BMERB1: variants seen among roughly 807,000 people sequenced by gnomAD.
The protein encoded by BMERB1 is bMERB domain containing 1.
BMERB1 carries 12 observed loss-of-function variants against 23.6 expected under a neutral mutation model. That is an observed-to-expected ratio of 0.51 (90% CI 0.33 to 0.82). The LOEUF is 0.82. BMERB1 is among the 40% of genes least tolerant of loss of function. The pLI is 0.03. For missense variants in BMERB1, 247 were observed against 255.4 expected (o/e 0.97, Z 0.22); for synonymous variants, 122 against 96.6 (o/e 1.26, Z -1.54).
At chr16:15,533,695 G>C (rs775796405) in intron 2 of BMERB1, among the ~76,000 whole-genome samples, 27 of 152,176 alleles carry the variant, frequency 1.8e-4, no homozygotes, top group African/African-American at 6.3e-4. Flanking sequence ...CTATGCATAA[G>C]CAGAGAAAGC....
chr16:15,537,505 C>T (rs2052036557), intron 2 of BMERB1, among the ~76,000 whole-genome samples: 2 of 151,982 alleles, frequency 1.3e-5, no homozygotes, highest in Admixed American at 6.6e-5. Flanking sequence ...AGGTGCCCGC[C>T]ACCATGCCTG....
At chr16:15,541,553 A>G (rs1460471791) in intron 2 of BMERB1, among the ~76,000 whole-genome samples, 2 of 145,010 alleles carry the variant, frequency 1.4e-5, no homozygotes, top group Non-Finnish European at 3.0e-5. Context: ...CCTCACAAGT[A>G]GCTGAGACTA....
chr16:15,484,547 A>T (rs908323899), intron 1 of BMERB1, among the ~76,000 whole-genome samples: 5 of 151,972 alleles, frequency 3.3e-5, no homozygotes, highest in African/African-American at 1.2e-4. Flanking sequence ...GACTACAGGC[A>T]CACACCGCCA....
chr16:15,579,661 CTTT>C (rs965858591), intron 3 of BMERB1, among the ~76,000 whole-genome samples: 7 of 149,210 alleles, frequency 4.7e-5, no homozygotes, highest in Non-Finnish European at 4.4e-5. Context: ...AGCCCTCTCT[CTTT>C]TTTTTATTTT....
At chr16:15,476,372 AG>A (rs2051275120) in intron 1 of BMERB1, among the ~76,000 whole-genome samples, 1 of 152,170 alleles carries the variant, frequency 6.6e-6, no homozygotes, top group Non-Finnish European at 1.5e-5. Flanking sequence ...CATGTTGGCC[AG>A]GCTGGTCTCG....
intron 1 of BMERB1, among the ~76,000 whole-genome samples, chr16:15,498,555 A>C (rs2051496881): frequency 6.6e-6 from 1 of 151,782 alleles, no homozygotes; most frequent in Non-Finnish European, 1.5e-5. Context: ...GAAAGGAAAA[A>C]AGAAAGGAAA....
intron 2 of BMERB1, among the ~76,000 whole-genome samples, chr16:15,565,255 C>T (rs985393449): frequency 1.3e-5 from 2 of 152,100 alleles, no homozygotes; most frequent in Admixed American, 6.6e-5. Flanking sequence ...GGTCCTGCCC[C>T]CATGAGCTGT....
chr16:15,505,725 A>G (rs2051581917), intron 1 of BMERB1, among the ~76,000 whole-genome samples: 2 of 151,896 alleles, frequency 1.3e-5, no homozygotes, highest in Non-Finnish European at 1.5e-5. Flanking sequence ...CGTCTCTACT[A>G]AAAGTACAAA....
intron 1 of BMERB1, among the ~76,000 whole-genome samples, chr16:15,467,852 T>C (rs527715814): frequency 6.6e-6 from 1 of 152,244 alleles, no homozygotes; most frequent in South Asian, 2.1e-4. Flanking sequence ...AAGATGTACA[T>C]TGATTTGGTC....
intron 1 of BMERB1, among the ~76,000 whole-genome samples, chr16:15,481,677 A>T (rs1169472760): frequency 6.6e-6 from 1 of 152,010 alleles, no homozygotes; most frequent in Non-Finnish European, 1.5e-5. Flanking sequence ...TTCTATAACA[A>T]GAATTAATTA....
rs1043096731 is a variant in BMERB1, at chr16:15,534,587, G to A, written c.230+19159G>A. Among the ~76,000 whole-genome samples, 3 of 152,104 alleles carry A rather than the reference G, an allele frequency of 2.0e-5. No homozygotes were observed. The East Asian group carries it at 5.8e-4, about 29-fold the overall frequency. ...AGTCAATGTTCCAGTAAAGGGCATC[G>A]TGGTATCCATATGGCCATAACTAGG... On this transcript the variant is annotated intron_variant, in intron 2 of 5. Transcript: ENST00000300006.
At chr16:15,492,861 G>T (rs1230918820) in intron 1 of BMERB1, among the ~76,000 whole-genome samples, 1 of 151,828 alleles carries the variant, frequency 6.6e-6, no homozygotes, top group Non-Finnish European at 1.5e-5. Flanking sequence ...GGAGGTTGCA[G>T]TGAGCTGAGA....
intron 1 of BMERB1, among the ~76,000 whole-genome samples, chr16:15,467,723 GTGAATAA>G (rs1287558910): frequency 6.6e-6 from 1 of 152,182 alleles, no homozygotes; most frequent in Non-Finnish European, 1.5e-5. Context: ...CCAAATGGAA[GTGAATAA>G]TGACCTGTGA....
At chr16:15,567,019 C>CA (rs1047533916) in intron 2 of BMERB1, among the ~76,000 whole-genome samples, 2 of 151,616 alleles carry the variant, frequency 1.3e-5, no homozygotes, top group South Asian at 2.1e-4. Context: ...CCTCTCTCTA[C>CA]AAAAAACTGT....
chr16:15,444,745 G>A (rs1024365706), intron 1 of BMERB1, among the ~76,000 whole-genome samples: 3 of 152,180 alleles, frequency 2.0e-5, no homozygotes, highest in African/African-American at 4.8e-5. Flanking sequence ...GTGGGCTTTC[G>A]AGAGAGCTTT....
At chr16:15,501,714 T>C (rs551583771) in intron 1 of BMERB1, among the ~76,000 whole-genome samples, 5 of 152,314 alleles carry the variant, frequency 3.3e-5, no homozygotes, top group South Asian at 2.1e-4. Flanking sequence ...CCTCAGGTGA[T>C]CCACCGCCTC....
rs546922291 is a variant in BMERB1, at chr16:15,537,990, G to T, written c.230+22562G>T. Among the ~76,000 whole-genome samples the T allele has an allele frequency of 2.6e-5, 4 of 152,252 alleles. No individual in the cohort carries two copies. In the South Asian group the frequency reaches 8.3e-4, roughly 32 times the overall value. On this transcript the variant is annotated intron_variant, in intron 2 of 5. Coordinates refer to ENST00000300006, the MANE Select transcript of BMERB1 (RefSeq NM_033201.3). ...TCTTAAATGTCTGCCACCTATGAAAGCATTTTGGAGCTATAGTTTGACCCA... is the reference window on the plus strand; with the variant it reads ...TCTTAAATGTCTGCCACCTATGAAATCATTTTGGAGCTATAGTTTGACCCA...
intron 2 of BMERB1, among the ~76,000 whole-genome samples, chr16:15,530,376 C>T (rs1471995888): frequency 1.3e-5 from 2 of 152,178 alleles, no homozygotes; most frequent in Admixed American, 1.3e-4. Context: ...CTCAGGACCC[C>T]TTAATTTAAT....
Position 15,558,581 on chromosome 16 carries a change from G to A in BMERB1, c.231-9402G>A, listed in dbSNP as rs559292812. ...AACGGGTTCGAACTGGACAGGAGCT[G>A]CCCCCATAGTCCTGAAAAACAACTT... On this transcript the variant is annotated intron_variant, in intron 2 of 5. Coordinates refer to ENST00000300006, the MANE Select transcript of BMERB1 (RefSeq NM_033201.3). Among the ~76,000 whole-genome samples the A allele has an allele frequency of 2.6e-5, 4 of 152,194 alleles. No individual in the cohort carries two copies. In the East Asian group the frequency reaches 7.8e-4, roughly 30 times the overall value.
Sources: allele counts gnomAD v4.1 joint callset (sites outside exome capture counted in the v4.1 genomes callset), GRCh38; gene constraint gnomAD v4.1.1; transcripts MANE v1.5; gene names NCBI Gene and HGNC (gene_info 2026-07-23, HGNC 2026-07-21).